The following ANO3 variants were observed in gnomAD, a reference collection of about 807,000 sequenced individuals.
The protein encoded by ANO3 is anoctamin-3.
In ANO3, 99 loss-of-function variants were observed where a neutral mutation model predicts 144.8. The ratio of observed to expected loss-of-function variants is 0.68; its 90% confidence interval spans 0.58 to 0.81. The LOEUF (loss-of-function observed/expected upper bound fraction) is 0.81, where lower values mean the gene tolerates loss of function less well. ANO3 is among the 30% of genes least tolerant of loss of function. The pLI, the probability that ANO3 is intolerant of heterozygous loss-of-function variation, is 0.00. For synonymous variants in ANO3, 414 were observed against 392.6 expected (o/e 1.05, Z -0.64); for missense variants, 905 against 1,202.2 (o/e 0.75, Z 3.66).
At chr11:26,223,370 C>A (rs956175370) in intron 1 of ANO3, among the ~76,000 whole-genome samples, 6 of 152,046 alleles carry the variant, frequency 3.9e-5, no homozygotes, top group African/African-American at 1.4e-4. Context: ...CCTCATAAAC[C>A]TGGCATTCAG....
chr11:26,252,133 C>T (rs1194352362), intron 1 of ANO3, among the ~76,000 whole-genome samples: 1 of 152,018 alleles, frequency 6.6e-6, no homozygotes, highest in African/African-American at 2.4e-5. Context: ...TCATAAAGTT[C>T]AAATTCAACT....
intron 4 of ANO3, among the ~76,000 whole-genome samples, chr11:26,471,367 A>G (rs1180472858): frequency 1.3e-4 from 20 of 151,950 alleles, no homozygotes; most frequent in Non-Finnish European, 1.5e-5. Context: ...CCTGTTTGTA[A>G]TTTATTCTTG....
intron 1 of ANO3, among the ~76,000 whole-genome samples, chr11:26,372,505 T>C (rs1856290004): frequency 6.6e-6 from 1 of 152,240 alleles, no homozygotes; most frequent in Non-Finnish European, 1.5e-5. Flanking sequence ...GGATACTCTT[T>C]TGTAAAGCAT....
At chr11:26,324,541 C>A (rs1423469493) in intron 1 of ANO3, among the ~76,000 whole-genome samples, 1 of 152,174 alleles carries the variant, frequency 6.6e-6, no homozygotes, top group East Asian at 1.9e-4. Context: ...AAAATGAGCC[C>A]AAGCCAAAAT....
intron 1 of ANO3, among the ~76,000 whole-genome samples, chr11:26,407,873 T>C (rs1857329698): frequency 6.6e-6 from 1 of 151,882 alleles, no homozygotes; most frequent in Non-Finnish European, 1.5e-5. Flanking sequence ...ATACCAAACT[T>C]TTCTCTCACA....
intron 11 of ANO3, among the ~76,000 whole-genome samples, chr11:26,547,162 C>T (rs1849810146): frequency 6.6e-6 from 1 of 151,778 alleles, no homozygotes; most frequent in Non-Finnish European, 1.5e-5. Context: ...GGTTTATGAG[C>T]ATGTTAAGAA....
chr11:26,198,514 C>T (rs113897943), intron 1 of ANO3, among the ~76,000 whole-genome samples: 21 of 152,010 alleles, frequency 1.4e-4, no homozygotes, highest in African/African-American at 2.9e-4. Context: ...AAGATAGAAA[C>T]GGAAAGAAAT....
At chr11:26,402,849 G>A (rs1414125014) in intron 1 of ANO3, among the ~76,000 whole-genome samples, 2 of 151,836 alleles carry the variant, frequency 1.3e-5, no homozygotes, top group Non-Finnish European at 2.9e-5. Context: ...TTGTAAAGCT[G>A]AATTTAAAAT....
At chr11:26,191,863 T>A (rs1026615317) in intron 1 of ANO3, among the ~76,000 whole-genome samples, 2 of 152,210 alleles carry the variant, frequency 1.3e-5, no homozygotes, top group African/African-American at 4.8e-5. Context: ...GTCCTATATA[T>A]GAAAATGTTT....
At chr11:26,247,286 A>C (rs972823442) in intron 1 of ANO3, among the ~76,000 whole-genome samples, 9 of 152,194 alleles carry the variant, frequency 5.9e-5, no homozygotes, top group African/African-American at 2.2e-4. Context: ...ATACAGTACT[A>C]TCTTTTTTTC....
chr11:26,287,710 G>T (rs781701451), intron 1 of ANO3, among the ~76,000 whole-genome samples: 9 of 152,188 alleles, frequency 5.9e-5, no homozygotes, highest in Non-Finnish European at 1.3e-4. Flanking sequence ...TTCAAATCCA[G>T]ATTATAAATC....
At chr11:26,565,674 A>T (rs774622712) in intron 14 of ANO3, 1 of 1,606,148 alleles carries the variant, frequency 6.2e-7, no homozygotes, top group Admixed American at 1.7e-5. Flanking sequence ...TGAGGTGGTT[A>T]TATTTTCTTT....
At chr11:26,331,919 A>G, upstream of ANO3, 1 of 318,472 alleles carries the variant, frequency 3.1e-6, no homozygotes. Flanking sequence ...CATCAGTATC[A>G]GCTCTAGAGG....
At chr11:26,417,569 T>C (rs1857627555) in intron 1 of ANO3, among the ~76,000 whole-genome samples, 1 of 152,056 alleles carries the variant, frequency 6.6e-6, no homozygotes, top group Non-Finnish European at 1.5e-5. Context: ...GGCTGCTCCA[T>C]AGACAGAACA....
At chr11:26,343,472 C>A (rs1479760564) in intron 1 of ANO3, among the ~76,000 whole-genome samples, 4 of 152,130 alleles carry the variant, frequency 2.6e-5, no homozygotes, top group Non-Finnish European at 5.9e-5. Flanking sequence ...CTCCATAATG[C>A]TTTTATAATG....
intron 4 of ANO3, among the ~76,000 whole-genome samples, chr11:26,476,262 T>C (rs982356343): frequency 1.3e-5 from 2 of 152,086 alleles, no homozygotes; most frequent in Non-Finnish European, 2.9e-5. Context: ...AATTATCTAT[T>C]TGAAGTTGTC....
At chr11:26,424,522 A>T (rs774103769) in intron 1 of ANO3, among the ~76,000 whole-genome samples, 2 of 152,018 alleles carry the variant, frequency 1.3e-5, no homozygotes, top group Non-Finnish European at 2.9e-5. Context: ...TCTCAGTCCA[A>T]CATTTTTACT....
intron 1 of ANO3, among the ~76,000 whole-genome samples, chr11:26,322,255 A>G: frequency 6.6e-6 from 1 of 152,128 alleles, no homozygotes; most frequent in Non-Finnish European, 1.5e-5. Flanking sequence ...TTATAAAAAC[A>G]TTGAGTGAAT....
intron 18 of ANO3, among the ~76,000 whole-genome samples, chr11:26,628,229 GAA>G (rs2133023438): frequency 6.6e-6 from 1 of 152,186 alleles, no homozygotes; most frequent in East Asian, 1.9e-4. Flanking sequence ...GCCAACTAAT[GAA>G]AAGAGTTTTC....
Sources: allele counts gnomAD v4.1 joint callset (sites outside exome capture counted in the v4.1 genomes callset), GRCh38; gene constraint gnomAD v4.1.1; transcripts MANE v1.5; gene names NCBI Gene and HGNC (gene_info 2026-07-23, HGNC 2026-07-21).